Variants in CNR1 observed in about 807,000 individuals in gnomAD.
CNR1 encodes cannabinoid receptor 1 (brain).
In CNR1, 10 loss-of-function variants were observed where a neutral mutation model predicts 23.0. That is an observed-to-expected ratio of 0.43 (90% CI 0.27 to 0.74). CNR1 has a LOEUF of 0.74. Among genes scored for constraint, CNR1 ranks in the 30% least tolerant of loss-of-function variants. The pLI is 0.19. For synonymous variants in CNR1, 271 were observed against 255.2 expected (o/e 1.06, Z -0.59); for missense variants, 422 against 618.8 (o/e 0.68, Z 3.37).
In CNR1 at chr6:88,166,173, G is replaced by C. The variant is rs1182360053; in HGVS notation, c.-434C>G. On this transcript the variant is annotated 5_prime_UTR_variant, in exon 1 of 2. Transcript: ENST00000369501. The stretch of plus-strand genomic sequence containing the variant: ...CCCGCCCGCGACAGCGACCGGGACT[G>C]GCGCCCCGCTGCTCCGACCGCCGGC... 1 of 152,004 alleles carries C rather than the reference G, an allele frequency of 6.6e-6. No individual in the cohort carries two copies. The highest frequency in any genetic ancestry group is 1.5e-5 in the Non-Finnish European group (1 of 68,016). 9.4% of individuals were successfully genotyped at this position (152,004 alleles called of 1,614,324 possible). A position where few individuals can be genotyped will look rare whatever the true frequency, so the allele number is the denominator to read the frequency against.
chr6:88,159,491 TTCTC>T, intron 1 of CNR1, among the ~76,000 whole-genome samples: 1 of 152,232 alleles, frequency 6.6e-6, no homozygotes, highest in East Asian at 1.9e-4. Flanking sequence ...GGGCAAACTG[TTCTC>T]TCTCTTAATT....
At chr6:88,162,896 C>CT (rs1344522798) in intron 1 of CNR1, 1 of 152,070 alleles carries the variant, frequency 6.6e-6, no homozygotes, top group Non-Finnish European at 1.5e-5. Flanking sequence ...TGGTTTCACT[C>CT]TAACTATTTG....
At chr6:88,156,879 TACAA>T (rs1262960586) in intron 1 of CNR1, among the ~76,000 whole-genome samples, 6 of 152,328 alleles carry the variant, frequency 3.9e-5, no homozygotes, top group African/African-American at 7.2e-5. Flanking sequence ...CTTGGTCTCA[TACAA>T]ACAACCATCT....
Position 88,148,194 on chromosome 6 carries a change from T to C in CNR1, c.-63-2857A>G, listed in dbSNP as rs555486579. ...CTTACACTCCCGCCTGGTCAACTCC[T>C]CCCCATCACTTTGATGTCACTTCTT... On this transcript the variant is annotated intron_variant, in intron 1 of 1. Coordinates refer to ENST00000369501, the MANE Select transcript of CNR1 (RefSeq NM_016083.6). Among the ~76,000 whole-genome samples the C allele has an allele frequency of 1.1e-4, 17 of 152,296 alleles. No homozygotes were observed. The South Asian group carries it at 3.5e-3, about 32-fold the overall frequency.
intron 1 of CNR1, among the ~76,000 whole-genome samples, chr6:88,153,337 C>A (rs1777629719): frequency 1.3e-5 from 2 of 152,024 alleles, no homozygotes; most frequent in South Asian, 4.1e-4. Flanking sequence ...TTCGTATAAC[C>A]ACAAAGGGTT....
rs1776968484 is a variant in CNR1, at chr6:88,143,810, T to A, written c.*46A>T. 2 of 1,493,108 alleles carry A rather than the reference T, an allele frequency of 1.3e-6. No homozygotes were observed. The highest frequency in any genetic ancestry group is 1.8e-6 in the Non-Finnish European group (2 of 1,094,830). 92.5% of individuals were successfully genotyped at this position (1,493,108 alleles called of 1,614,324 possible). ...CAATAGACTCTTCTAGATTTTGAGCTTAAAAAAAAAAATTCTTTTCCTGTG... is the reference window on the plus strand; with the variant it reads ...CAATAGACTCTTCTAGATTTTGAGCATAAAAAAAAAAATTCTTTTCCTGTG... On this transcript the variant is annotated 3_prime_UTR_variant, in exon 2 of 2. Coordinates refer to ENST00000369501, the MANE Select transcript of CNR1 (RefSeq NM_016083.6).
At chr6:88,152,894 A>G (rs918638348) in intron 1 of CNR1, among the ~76,000 whole-genome samples, 1 of 152,218 alleles carries the variant, frequency 6.6e-6, no homozygotes, top group African/African-American at 2.4e-5. Context: ...GTTTGCTACT[A>G]GGAAAATCAT....
chr6:88,163,858 A>C lies in CNR1; in HGVS notation c.-64+1945T>G, dbSNP rs1420692905. On this transcript the variant is annotated intron_variant, in intron 1 of 1. Transcript: ENST00000369501. ...CTGATCCTGCAGCTAGGCTTATTAG[A>C]GAAGAGCAATCTCACAGGCAAGACA... Among the ~76,000 whole-genome samples, 4 of 152,358 alleles carry C rather than the reference A, an allele frequency of 2.6e-5. No individual in the cohort carries two copies. The East Asian group carries it at 5.8e-4, about 22-fold the overall frequency.
chr6:88,146,304 C>T (rs1013916889), intron 1 of CNR1, among the ~76,000 whole-genome samples: 8 of 152,112 alleles, frequency 5.3e-5, no homozygotes, highest in Admixed American at 2.6e-4. Context: ...CAGGGTTTCA[C>T]CATATTGGTC....
chr6:88,167,219 A>G (rs920373895), upstream of CNR1, among the ~76,000 whole-genome samples: 3 of 150,746 alleles, frequency 2.0e-5, no homozygotes, highest in African/African-American at 4.9e-5. Context: ...GCCCCACTCC[A>G]GGGCCGGACT....
At position 88,140,006 on chromosome 6, in the gene CNR1, T is replaced by G. The variant is rs7738931; in HGVS notation, c.*3850A>C. The G allele has an allele frequency of 0.044, 6,641 of 152,666 alleles. 471 individuals are homozygous for G. The highest frequency in any genetic ancestry group is 0.15 in the African/African-American group (6,089 of 41,530). 9.5% of individuals were successfully genotyped at this position (152,666 alleles called of 1,614,324 possible). On this transcript the variant is annotated 3_prime_UTR_variant, in exon 2 of 2. Transcript: ENST00000369501. Reference sequence around the variant, plus strand: ...AATATACTGTGGGCTTAATACATTGTAAATATTACAGAAGAAGTACTACTT... The same window carrying G: ...AATATACTGTGGGCTTAATACATTGGAAATATTACAGAAGAAGTACTACTT...
chr6:88,150,463 A>G (rs1430988241), intron 1 of CNR1, among the ~76,000 whole-genome samples: 3 of 152,206 alleles, frequency 2.0e-5, no homozygotes, highest in African/African-American at 7.2e-5. Flanking sequence ...GCAAACAGTA[A>G]TTAACATTAT....
Position 88,155,571 on chromosome 6 carries a change from T to C in CNR1, c.-64+10232A>G, listed in dbSNP as rs546320975. Reference sequence around the variant, plus strand: ...TTAATAAGACACCCTTTCATTCATTTACAGGGAAGAAGAGTTGGTTTGGGA... The same window carrying C: ...TTAATAAGACACCCTTTCATTCATTCACAGGGAAGAAGAGTTGGTTTGGGA... On this transcript the variant is annotated intron_variant, in intron 1 of 1. Transcript: ENST00000369501. Among the ~76,000 whole-genome samples, 27 of 152,292 alleles carry C rather than the reference T, an allele frequency of 1.8e-4. 2 individuals carry two copies. The Middle Eastern group carries it at 0.017, about 96-fold the overall frequency.
chr6:88,149,297 GAGTATCCTT>G (rs1272859253), intron 1 of CNR1, among the ~76,000 whole-genome samples: 4 of 152,096 alleles, frequency 2.6e-5, no homozygotes, highest in Non-Finnish European at 4.4e-5. Flanking sequence ...GTTAACTCTC[GAGTATCCTT>G]AGTATCCTTA....
chr6:88,153,789 T>C (rs1366906856), intron 1 of CNR1, among the ~76,000 whole-genome samples: 2 of 152,280 alleles, frequency 1.3e-5, no homozygotes, highest in Non-Finnish European at 2.9e-5. Flanking sequence ...AACTGCATTA[T>C]GTCTAAGTCA....
At position 88,144,310 on chromosome 6, in the gene CNR1, G is replaced by GACGTGTGGATGATGATGCTCT. The variant is rs1407150112; in HGVS notation, c.944_964dup (p.Thr321_Ser322insTer). On this transcript the variant is annotated stop_gained, in exon 2 of 2. Coordinates refer to ENST00000369501, the MANE Select transcript of CNR1 (RefSeq NM_016083.6). LOFTEE classifies it high-confidence loss of function. The surrounding 1 kb of genome is among the most constrained non-coding windows in gnomAD (Gnocchi z 7.8). ...GGTCACCTGTACCTTCCCATCCTCAGACGTGTGGATGATGATGCTCTTCTG... is the reference window on the plus strand; with the variant it reads ...GGTCACCTGTACCTTCCCATCCTCAGACGTGTGGATGATGATGCTCTACGTGTGGATGATGATGCTCTTCTG... 2 of 1,612,598 alleles carry GACGTGTGGATGATGATGCTCT rather than the reference G, an allele frequency of 1.2e-6. No homozygotes were observed. The highest frequency in any genetic ancestry group is 1.7e-6 in the Non-Finnish European group (2 of 1,179,998).
intron 1 of CNR1, among the ~76,000 whole-genome samples, chr6:88,152,169 C>G (rs535111773): frequency 6.7e-6 from 1 of 149,110 alleles, no homozygotes; most frequent in Non-Finnish European, 1.5e-5. Flanking sequence ...GAGCCGAGAT[C>G]CCGCCACTGC....
At chr6:88,147,063 T>C (rs1435962044) in intron 1 of CNR1, among the ~76,000 whole-genome samples, 1 of 152,030 alleles carries the variant, frequency 6.6e-6, no homozygotes, top group Admixed American at 6.6e-5. Flanking sequence ...GAGGCTGAGG[T>C]GGGCATATCA....
chr6:88,156,596 G>A (rs990068929), intron 1 of CNR1, among the ~76,000 whole-genome samples: 1 of 152,246 alleles, frequency 6.6e-6, no homozygotes, highest in South Asian at 2.1e-4. Flanking sequence ...TTTTCTCCCA[G>A]GAGAGGTGAT....
Sources: gnomAD v4.1 joint callset for allele counts (sites outside exome capture counted in the v4.1 genomes callset) on GRCh38, gnomAD v4.1.1 for gene constraint, Gnocchi (gnomAD v3.1) non-coding constraint, MANE v1.5 for transcripts, NCBI Gene and HGNC (gene_info 2026-07-23, HGNC 2026-07-21) for gene names.